Variants in HEATR4 observed in about 807,000 individuals in gnomAD.
HEATR4 encodes the protein HEAT repeat containing 4, also known as HEAT repeat-containing protein 4.
Under a neutral mutation model 108.8 loss-of-function variants are expected in HEATR4, and 95 were observed. The ratio of observed to expected loss-of-function variants is 0.87; its 90% CI spans 0.74 to 1.04. The LOEUF (loss-of-function observed/expected upper bound fraction) is 1.04, where lower values mean the gene tolerates loss of function less well. Among genes scored for constraint, HEATR4 ranks in the 50% least tolerant of loss-of-function variants. HEATR4 has a pLI of 0.00. For synonymous variants in HEATR4, 443 were observed against 459.4 expected, an observed-to-expected ratio of 0.96 and a Z score of 0.46; for missense variants, 1,152 against 1,253.8, an observed-to-expected ratio of 0.92 and a Z score of 1.23.
At chr14:73,604,178 T>G in the HEATR4 span, among the ~76,000 whole-genome samples, 1 of 139,766 alleles carries the variant, frequency 7.2e-6, no homozygotes, top group African/African-American at 2.5e-5. Context: ...TTTTTTTTTT[T>G]TTTTGAGATG....
At chr14:73,502,633 C>T (rs1334075798) in intron 11 of HEATR4, among the ~76,000 whole-genome samples, 5 of 152,054 alleles carry the variant, frequency 3.3e-5, no homozygotes, top group African/African-American at 9.7e-5. Context: ...CTGCAACCTC[C>T]GCCTCCCAGG....
intron 17 of HEATR4, chr14:73,490,930 C>T (rs1885664352): frequency 4.0e-6 from 5 of 1,264,988 alleles, no homozygotes; most frequent in Admixed American, 4.0e-5. Flanking sequence ...GCGCCCCCTT[C>T]CCAGAGTGCA....
At chr14:73,525,346 C>G (rs1429992166) in intron 2 of HEATR4, among the ~76,000 whole-genome samples, 1 of 152,202 alleles carries the variant, frequency 6.6e-6, no homozygotes, top group Non-Finnish European at 1.5e-5. Flanking sequence ...GCTCAACTTT[C>G]ATCTAGATGC....
chr14:73,584,521 C>T, the HEATR4 span, among the ~76,000 whole-genome samples: 1 of 149,176 alleles, frequency 6.7e-6, no homozygotes, highest in African/African-American at 2.5e-5. Flanking sequence ...GCTAGGTGCC[C>T]TGTGATCATG....
the HEATR4 span, chr14:73,592,504 T>C: frequency 7.2e-7 from 1 of 1,380,260 alleles, no homozygotes; most frequent in Non-Finnish European, 9.5e-7. Context: ...GGTTTGGTTT[T>C]GGAGCAAGAT....
the HEATR4 span, among the ~76,000 whole-genome samples, chr14:73,587,836 A>G: frequency 6.6e-6 from 1 of 152,240 alleles, no homozygotes; most frequent in South Asian, 2.1e-4. Flanking sequence ...GCAGCAAAAT[A>G]CTGCTAATGC....
the HEATR4 span, among the ~76,000 whole-genome samples, chr14:73,618,905 C>A: frequency 4.3e-4 from 65 of 152,208 alleles, no homozygotes; most frequent in Middle Eastern, 3.4e-3. Flanking sequence ...CCAAGGCAGG[C>A]GGATCACTTG....
intron 15 of HEATR4, 92 bp from the exon 16 acceptor site, chr14:73,495,479 A>T (rs978400658): frequency 2.9e-6 from 3 of 1,043,142 alleles, no homozygotes; most frequent in Non-Finnish European, 1.4e-6. Context: ...TGATTGTAGG[A>T]GGCTGAGGAG....
chr14:73,483,400 C>T (rs1176891017), intron 17 of HEATR4, among the ~76,000 whole-genome samples: 2 of 152,114 alleles, frequency 1.3e-5, no homozygotes, highest in African/African-American at 2.4e-5. Flanking sequence ...AGTGCAGGAG[C>T]TAGTACCTAT....
intron 14 of HEATR4, among the ~76,000 whole-genome samples, chr14:73,497,317 G>A (rs1187824862): frequency 6.6e-6 from 1 of 152,196 alleles, no homozygotes; most frequent in Non-Finnish European, 1.5e-5. Context: ...TGGGATTACA[G>A]ATGTGAGCCA....
At chr14:73,590,514 C>T in the HEATR4 span, among the ~76,000 whole-genome samples, 4 of 152,228 alleles carry the variant, frequency 2.6e-5, no homozygotes, top group African/African-American at 7.2e-5. Flanking sequence ...TGGGACTGGG[C>T]GTTAGTGGAG....
At chr14:73,487,060 G>A (rs1475186543) in intron 17 of HEATR4, among the ~76,000 whole-genome samples, 1 of 150,088 alleles carries the variant, frequency 6.7e-6, no homozygotes, top group Non-Finnish European at 1.5e-5. Context: ...GAGGTCAGGA[G>A]ATGGAGACCA....
chr14:73,510,360 A>T (rs1379711676), intron 7 of HEATR4, among the ~76,000 whole-genome samples: 1 of 152,142 alleles, frequency 6.6e-6, no homozygotes, highest in East Asian at 1.9e-4. Context: ...CACCAGAAGA[A>T]TATGGGACAG....
chr14:73,486,418 C>G (rs1054868162), intron 17 of HEATR4, among the ~76,000 whole-genome samples: 4 of 152,186 alleles, frequency 2.6e-5, no homozygotes, highest in African/African-American at 9.7e-5. Context: ...ACTTATGAGG[C>G]TGGGTGTGGT....
At chr14:73,505,879 T>C (rs1886779123) in intron 10 of HEATR4, among the ~76,000 whole-genome samples, 1 of 148,514 alleles carries the variant, frequency 6.7e-6, no homozygotes, top group Non-Finnish European at 1.5e-5. Context: ...ATCAAATTAC[T>C]ATAAACGTTT....
chr14:73,566,431 C>T, the HEATR4 span, among the ~76,000 whole-genome samples: 6 of 152,070 alleles, frequency 3.9e-5, no homozygotes, highest in Non-Finnish European at 7.4e-5. Flanking sequence ...CCCACGGAGG[C>T]GGGGGGAGGC....
At chr14:73,600,030 A>C in the HEATR4 span, among the ~76,000 whole-genome samples, 1 of 152,182 alleles carries the variant, frequency 6.6e-6, no homozygotes, top group Non-Finnish European at 1.5e-5. Context: ...AGCTCCTTGA[A>C]TATCCTTCTT....
the HEATR4 span, among the ~76,000 whole-genome samples, chr14:73,609,246 T>C: frequency 2.6e-5 from 4 of 152,310 alleles, no homozygotes; most frequent in South Asian, 6.2e-4. Flanking sequence ...AATAAAATGA[T>C]GCAGTGTGCA....
chr14:73,482,078 A>G (rs918307433), intron 17 of HEATR4, among the ~76,000 whole-genome samples: 1 of 152,028 alleles, frequency 6.6e-6, no homozygotes, highest in Non-Finnish European at 1.5e-5. Context: ...GTGGGGAGGA[A>G]AGGAGGGTTG....
Sources: allele counts gnomAD v4.1 joint callset (sites outside exome capture counted in the v4.1 genomes callset), GRCh38; gene constraint gnomAD v4.1.1; transcripts MANE v1.5; gene names NCBI Gene and HGNC (gene_info 2026-07-23, HGNC 2026-07-21).